Variants in CATSPERE observed in about 807,000 individuals in gnomAD.
The protein encoded by CATSPERE is cation channel sperm-associated auxiliary subunit epsilon.
A neutral mutation model predicts 114.1 loss-of-function variants in CATSPERE; 93 were observed. That is an observed-to-expected ratio of 0.81 (90% CI 0.69 to 0.97). CATSPERE has a LOEUF of 0.97. CATSPERE is among the 50% of genes least tolerant of loss of function. The pLI is 0.00. For missense variants in CATSPERE, 1,058 were observed against 1,131.6 expected, an observed-to-expected ratio of 0.93 and a Z score of 0.93; for synonymous variants, 341 against 384.1, an observed-to-expected ratio of 0.89 and a Z score of 1.31.
At chr1:244,476,312 A>G (rs1465213241) in intron 2 of CATSPERE, among the ~76,000 whole-genome samples, 22 of 152,112 alleles carry the variant, frequency 1.4e-4, no homozygotes. Context: ...TTAGGAATGT[A>G]TATAGTTTTA....
intron 10 of CATSPERE, among the ~76,000 whole-genome samples, chr1:244,566,449 G>C (rs1323057636): frequency 6.6e-6 from 1 of 151,942 alleles, no homozygotes; most frequent in South Asian, 2.1e-4. Flanking sequence ...CTATTATTGT[G>C]TGGGAGTCTA....
rs139309184 is a variant in CATSPERE, at chr1:244,463,934, G to A, written c.92G>A (p.Arg31His). 635 of 1,602,320 alleles carry A rather than the reference G, an allele frequency of 4.0e-4. 5 individuals are homozygous for A. The East Asian group carries it at 5.7e-3, about 14-fold the overall frequency. Residue 31 changes from arginine (R) to histidine (H), a missense_variant, in exon 2 of 22, where the codon CGC becomes CAC. Physicochemically the swap from Arg to His is conservative, Grantham distance 29. Coordinates refer to ENST00000366534, the MANE Select transcript of CATSPERE (RefSeq NM_001130957.2). ...WRYSTNSPNY[R>H]IFSTRSTIKL... ...TATTCCACTAACAGCCCAAACTATCGCATTTTTAGTACCAGAAGTACTGTA... is the reference window on the plus strand; with the variant it reads ...TATTCCACTAACAGCCCAAACTATCACATTTTTAGTACCAGAAGTACTGTA...
At chr1:244,451,758 G>A, upstream of CATSPERE, 1 of 1,601,842 alleles carries the variant, frequency 6.2e-7, no homozygotes, top group Non-Finnish European at 8.5e-7. This position sits in a 1 kb window ranked among gnomAD's most constrained non-coding sequence, Gnocchi z 6.6. Flanking sequence ...GCGCCCTGGG[G>A]CGGCCGCAAT....
chr1:244,476,415 A>G (rs1426036309), intron 2 of CATSPERE, among the ~76,000 whole-genome samples: 5 of 152,210 alleles, frequency 3.3e-5, no homozygotes, highest in African/African-American at 1.2e-4. Flanking sequence ...AGAAAAATGT[A>G]TTATAAAATC....
At chr1:244,483,532 G>A (rs577252477) in intron 5 of CATSPERE, among the ~76,000 whole-genome samples, 13 of 152,242 alleles carry the variant, frequency 8.5e-5, no homozygotes, top group East Asian at 5.8e-4. Flanking sequence ...TACTAGGTAC[G>A]AAATTATGTC....
chr1:244,562,108 C>A (rs927737671), intron 10 of CATSPERE, among the ~76,000 whole-genome samples: 4 of 140,896 alleles, frequency 2.8e-5, no homozygotes, highest in Non-Finnish European at 4.5e-5. Context: ...GCCATGTTCA[C>A]CTCACTGAAC....
In CATSPERE at chr1:244,510,730, T is replaced by C. The variant is rs116514641; in HGVS notation, c.430-7862T>C. 5.0e-3 allele frequency among the ~76,000 whole-genome samples: 757 copies of C among 152,218 alleles called. 6 individuals carry two copies. Among genetic ancestry groups the C allele is most frequent in the African/African-American group, 0.017 (713 of 41,558 alleles). On this transcript the variant is annotated intron_variant, in intron 7 of 21. Coordinates refer to ENST00000366534, the MANE Select transcript of CATSPERE (RefSeq NM_001130957.2). ...TGTTGAACTCCCCAGCTATTATTTT[T>C]ATGGAGGTCTATTTCTCCCTTTAGA...
At position 244,566,652 on chromosome 1, in the gene CATSPERE, C is replaced by CTTTTTTTTTTTTTTT. The variant is rs59466928; in HGVS notation, c.1507+5528_1507+5542dup. On this transcript the variant is annotated intron_variant, in intron 10 of 21. Transcript: ENST00000366534. ...TCAGAGACTAGGATTGCAACCCCTG[C>CTTTTTTTTTTTTTTT]TTTTTTTTTTTTTTTTTTTTTTTTT... 4.5e-4 allele frequency among the ~76,000 whole-genome samples: 22 copies of CTTTTTTTTTTTTTTT among 49,090 alleles called. 3 individuals carry two copies. The highest frequency in any genetic ancestry group is 7.0e-4 in the East Asian group (2 of 2,852). The allele number at this position is 49,090 out of a possible 152,430, so 32.2% of individuals were successfully genotyped here.
rs959053519 is a variant in CATSPERE at position 244,539,953 on chromosome 1, G to GT, written c.537-12363dup. Among the ~76,000 whole-genome samples, 65 of 151,586 alleles carry GT rather than the reference G, an allele frequency of 4.3e-4. 1 individual carries two copies. The highest frequency in any genetic ancestry group is 1.5e-3 in the African/African-American group (61 of 41,336). On this transcript the variant is annotated intron_variant, in intron 8 of 21. Coordinates refer to ENST00000366534, the MANE Select transcript of CATSPERE (RefSeq NM_001130957.2). ...CTGGATTCATTAATTTTTTTGAATG[G>GT]TTTTTTGTGTCTCTATTTCCTTCAG...
intron 1 of CATSPERE, among the ~76,000 whole-genome samples, chr1:244,455,171 G>A (rs1242457788): frequency 1.3e-5 from 2 of 152,080 alleles, no homozygotes; most frequent in Non-Finnish European, 2.9e-5. Flanking sequence ...GACAGTGGGG[G>A]GTCTGGGTTC....
intron 10 of CATSPERE, among the ~76,000 whole-genome samples, chr1:244,571,593 C>G (rs1198829827): frequency 6.6e-6 from 1 of 152,176 alleles, no homozygotes; most frequent in African/African-American, 2.4e-5. Flanking sequence ...CACTCTCACC[C>G]CCACTCACCT....
At position 244,625,430 on chromosome 1, in the gene CATSPERE, A is replaced by ATTTTTTTTTTTTTTTTTTTTT. The variant is rs1476267922; in HGVS notation, c.2648+7745_2648+7746insTTTTTTTTTTTTTTTTTTTTT. Among the ~76,000 whole-genome samples the ATTTTTTTTTTTTTTTTTTTTT allele has an allele frequency of 2.8e-3, 12 of 4,342 alleles. 1 individual carries two copies. The highest frequency in any genetic ancestry group is 5.5e-3 in the Non-Finnish European group (11 of 2,004). The allele number at this position is 4,342 out of a possible 152,430, so 2.8% of individuals were successfully genotyped here. ...TTTATATATATATATATATATATAT[A>ATTTTTTTTTTTTTTTTTTTTT]TATTTTTTTTTTTTTTTGAGATGGA... On this transcript the variant is annotated intron_variant, in intron 20 of 21. Transcript: ENST00000366534.
At chr1:244,569,411 T>C (rs965830205) in intron 10 of CATSPERE, among the ~76,000 whole-genome samples, 1 of 152,218 alleles carries the variant, frequency 6.6e-6, no homozygotes, top group African/African-American at 2.4e-5. Context: ...TTCTGTGAAT[T>C]TTCTATTCAT....
At position 244,518,627 on chromosome 1, in the gene CATSPERE, G is replaced by A. The variant is rs1465767650; in HGVS notation, c.465G>A (p.Leu155=). The A allele has an allele frequency of 1.9e-6, 3 of 1,601,070 alleles. No homozygotes were observed. Among genetic ancestry groups the A allele is most frequent in the Non-Finnish European group, 2.6e-6 (3 of 1,170,696 alleles). The change falls in exon 8 of 22, where the codon TTG becomes TTA. Residue 155 remains leucine, a synonymous_variant. Transcript: ENST00000366534. ...TACTCAGCACACAGATGGCCACATT[G>A]GGACAGAAGCCTGTCATACATACAG... is the stretch of plus-strand genomic sequence containing the variant. ...SIVLSTQMAT[L]GQKPVIHTVL...
At chr1:244,516,536 C>G (rs1041803406) in intron 7 of CATSPERE, among the ~76,000 whole-genome samples, 1 of 147,702 alleles carries the variant, frequency 6.8e-6, no homozygotes, top group Non-Finnish European at 1.5e-5. Flanking sequence ...TTTTTTTTTT[C>G]TTTTGGAGAC....
chr1:244,498,764 G>C (rs1673522396), intron 6 of CATSPERE, among the ~76,000 whole-genome samples: 2 of 152,186 alleles, frequency 1.3e-5, no homozygotes, highest in South Asian at 2.1e-4. Flanking sequence ...CAGGCATGGT[G>C]GTGGGCGCCT....
chr1:244,611,290 G>A (rs1053612970), intron 19 of CATSPERE, among the ~76,000 whole-genome samples: 2 of 151,994 alleles, frequency 1.3e-5, no homozygotes, highest in African/African-American at 4.8e-5. Context: ...CTTTTCTACT[G>A]TTTAAAAATC....
intron 7 of CATSPERE, among the ~76,000 whole-genome samples, chr1:244,509,311 T>A (rs1372569515): frequency 1.3e-5 from 2 of 152,158 alleles, no homozygotes; most frequent in Non-Finnish European, 2.9e-5. Context: ...TATCAAATGC[T>A]TATTCTGCAT....
chr1:244,546,255 C>A (rs1659735953), intron 8 of CATSPERE, among the ~76,000 whole-genome samples: 1 of 152,146 alleles, frequency 6.6e-6, no homozygotes. Flanking sequence ...TTAAGGTGCC[C>A]CCCAGTGTTT....
Sources: allele counts gnomAD v4.1 joint callset (sites outside exome capture counted in the v4.1 genomes callset), GRCh38; gene constraint gnomAD v4.1.1; non-coding constraint Gnocchi (gnomAD v3.1); transcripts MANE v1.5; gene names NCBI Gene and HGNC (gene_info 2026-07-23, HGNC 2026-07-21).